PHF11: variants seen among roughly 807,000 people sequenced by gnomAD.
The protein encoded by PHF11 is BRCA1 C-terminus-associated protein.
A neutral mutation model predicts 40.5 loss-of-function variants in PHF11; 38 were observed. The ratio of observed to expected loss-of-function variants is 0.94; its 90% CI spans 0.72 to 1.23. The LOEUF is 1.23. PHF11 is among the 50% of genes most tolerant of loss of function. The pLI is 0.00. For missense variants in PHF11, 369 were observed against 392.4 expected (o/e 0.94, Z 0.50); for synonymous variants, 127 against 138.2 (o/e 0.92, Z 0.57).
At chr13:49,496,375 C>A in intron 1 of PHF11, 1 of 1,150,366 alleles carries the variant, frequency 8.7e-7, no homozygotes, top group Non-Finnish European at 1.1e-6. Context: ...CTTCGGTTTA[C>A]CTCCCCCGCG....
At chr13:49,519,087 G>A (rs1042852841) in intron 4 of PHF11, among the ~76,000 whole-genome samples, 13 of 152,022 alleles carry the variant, frequency 8.6e-5, no homozygotes, top group Admixed American at 2.6e-4. Context: ...CGCCCGCCTC[G>A]GCCTCCCAAA....
intron 3 of PHF11, 35 bp from the exon 4 acceptor site, chr13:49,517,983 C>A (rs200254793): frequency 4.4e-6 from 5 of 1,145,906 alleles, no homozygotes; most frequent in Non-Finnish European, 5.0e-6. Flanking sequence ...TAACAACAAA[C>A]AGGTACTTAC....
At chr13:49,522,468 C>T (rs764160799) in intron 6 of PHF11, among the ~76,000 whole-genome samples, 20 of 152,130 alleles carry the variant, frequency 1.3e-4, no homozygotes, top group Non-Finnish European at 2.6e-4. Context: ...ACAGTTAAAA[C>T]GGGCAGAGGG....
intron 5 of PHF11, chr13:49,521,290 C>G: frequency 1.0e-6 from 1 of 1,002,468 alleles, no homozygotes; most frequent in Non-Finnish European, 1.2e-6. Flanking sequence ...TGCACCTTCC[C>G]TGAGTGAAAA....
intron 1 of PHF11, chr13:49,497,183 A>C: frequency 7.8e-7 from 1 of 1,289,668 alleles, no homozygotes. Flanking sequence ...AATCAGTTGG[A>C]TATTTCATTC....
chr13:49,518,050 C>T lies in PHF11; in HGVS notation c.357C>T (p.Thr119=), dbSNP rs376750113. The part of the protein sequence containing the change: ...KCKFCHKRGA[T]VGCDLKNCNK... ...AATTTTGTCATAAAAGAGGAGCCACCGTGGGATGTGATTTAAAAAACTGTA... is the reference window on the plus strand; with the variant it reads ...AATTTTGTCATAAAAGAGGAGCCACTGTGGGATGTGATTTAAAAAACTGTA... Residue 119 remains threonine, a synonymous_variant, in exon 4 of 10, where the codon ACC becomes ACT. Coordinates refer to ENST00000378319, the MANE Select transcript of PHF11 (RefSeq NM_001040443.3). The T allele has an allele frequency of 4.2e-5, 66 of 1,582,768 alleles. No homozygotes were observed. Among genetic ancestry groups the T allele is most frequent in the Non-Finnish European group, 5.1e-5 (59 of 1,155,002 alleles).
rs1401064719 is a variant in PHF11 at position 49,526,372 on chromosome 13, T to C, written c.770-15T>C. The C allele has an allele frequency of 3.2e-6, 5 of 1,562,876 alleles. No homozygotes were observed. Among genetic ancestry groups the C allele is most frequent in the Non-Finnish European group, 4.4e-6 (5 of 1,133,616 alleles). ...TACAAACTGTTTAATATTGAAAATG[T>C]TTCTCTCCCTCCAGACTATGAAGAA... On this transcript the variant is annotated splice_polypyrimidine_tract_variant and intron_variant, in intron 8 of 9. Coordinates refer to ENST00000378319, the MANE Select transcript of PHF11 (RefSeq NM_001040443.3).
intron 3 of PHF11, among the ~76,000 whole-genome samples, chr13:49,514,493 C>T (rs962845638): frequency 1.3e-5 from 2 of 152,106 alleles, no homozygotes; most frequent in Non-Finnish European, 2.9e-5. Context: ...TGCTGCATGC[C>T]TCTAATCCCA....
At position 49,528,667 on chromosome 13, in the gene PHF11, G is replaced by A; in HGVS notation, c.*2G>A. On this transcript the variant is annotated 3_prime_UTR_variant, in exon 10 of 10. Transcript: ENST00000378319. The stretch of plus-strand genomic sequence containing the variant: ...TCAATATCATCCCTGTCTTATTAGG[G>A]ATTACCGTTTCCTAAGCCAAGAGTC... The A allele has an allele frequency of 2.5e-6, 4 of 1,589,172 alleles. No homozygotes were observed. The highest frequency in any genetic ancestry group is 3.4e-6 in the Non-Finnish European group (4 of 1,168,892).
intron 4 of PHF11, among the ~76,000 whole-genome samples, chr13:49,520,294 G>A (rs543681746): frequency 5.1e-4 from 77 of 152,176 alleles, no homozygotes; most frequent in African/African-American, 1.4e-3. Flanking sequence ...TGATCTGCCC[G>A]CCTCGGCCTC....
Position 49,497,042 on chromosome 13 carries a change from G to A in PHF11, c.94+947G>A, listed in dbSNP as rs1363855414. On this transcript the variant is annotated intron_variant, in intron 1 of 9. Transcript: ENST00000378319. ...GAGAGGGTTTCTCCATGTTTCATGG[G>A]CTTACCTTTAAAGGGCAAGACTCAG... The A allele has an allele frequency of 2.4e-6, 3 of 1,241,338 alleles. No individual in the cohort carries two copies. The African/African-American group carries it at 4.7e-5, about 19-fold the overall frequency. 76.9% of individuals were successfully genotyped at this position (1,241,338 alleles called of 1,614,324 possible). A position where few individuals can be genotyped will look rare whatever the true frequency, so the allele number is the denominator to read the frequency against.
intron 3 of PHF11, among the ~76,000 whole-genome samples, chr13:49,517,448 T>C (rs1959166743): frequency 1.3e-5 from 2 of 152,180 alleles, no homozygotes; most frequent in Admixed American, 1.3e-4. Context: ...ATCAAATAAA[T>C]TGAACCAAGA....
chr13:49,513,338 T>A (rs1959103564), intron 3 of PHF11, among the ~76,000 whole-genome samples, 172 bp downstream of exon 3: 1 of 151,468 alleles, frequency 6.6e-6, no homozygotes, highest in Non-Finnish European at 1.5e-5. Flanking sequence ...ATTTTTTTTT[T>A]TTTTTTTTTG....
intron 8 of PHF11, 181 bp from the exon 9 acceptor site, chr13:49,526,206 C>T (rs1467451822): frequency 1.9e-6 from 1 of 537,670 alleles, no homozygotes; most frequent in Admixed American, 3.3e-5. Context: ...AAGAGAAATG[C>T]CAAGAATTAC....
At chr13:49,524,965 G>C (rs117926590) in intron 8 of PHF11, among the ~76,000 whole-genome samples, 1 of 151,986 alleles carries the variant, frequency 6.6e-6, no homozygotes, top group African/African-American at 2.4e-5. Flanking sequence ...AGATTGATTC[G>C]GTCACATATG....
At chr13:49,497,868 G>A (rs1481353802) in intron 1 of PHF11, among the ~76,000 whole-genome samples, 2 of 152,094 alleles carry the variant, frequency 1.3e-5, no homozygotes, top group Non-Finnish European at 1.5e-5. Context: ...GCTATTCTCT[G>A]CAAGGAAAAC....
chr13:49,502,902 A>G (rs963387140), intron 1 of PHF11, among the ~76,000 whole-genome samples: 5 of 151,378 alleles, frequency 3.3e-5, no homozygotes, highest in Non-Finnish European at 5.9e-5. Context: ...TTTTTTTTTA[A>G]TGTAGTAGAG....
At position 49,528,673 on chromosome 13, in the gene PHF11, C is replaced by A; in HGVS notation, c.*8C>A. On this transcript the variant is annotated 3_prime_UTR_variant, in exon 10 of 10. Coordinates refer to ENST00000378319, the MANE Select transcript of PHF11 (RefSeq NM_001040443.3). ...TCATCCCTGTCTTATTAGGGATTAC[C>A]GTTTCCTAAGCCAAGAGTCATGTCA... 6.3e-7 allele frequency: 1 copy of A among 1,582,238 alleles called. No homozygotes were observed. The highest frequency in any genetic ancestry group is 8.6e-7 in the Non-Finnish European group (1 of 1,163,538).
chr13:49,510,429 T>C (rs1359542947), intron 2 of PHF11, among the ~76,000 whole-genome samples: 1 of 152,244 alleles, frequency 6.6e-6, no homozygotes, highest in Non-Finnish European at 1.5e-5. Flanking sequence ...GTTTTACTTA[T>C]ATATTTTTTC....
Sources: allele counts gnomAD v4.1 joint callset (sites outside exome capture counted in the v4.1 genomes callset), GRCh38; gene constraint gnomAD v4.1.1; transcripts MANE v1.5; gene names NCBI Gene and HGNC (gene_info 2026-07-23, HGNC 2026-07-21).